Variants in SLC35F3 observed in about 807,000 individuals in gnomAD.
SLC35F3 encodes the protein solute carrier family 35 member F3, also known as putative thiamine transporter SLC35F3.
In SLC35F3, 25 loss-of-function variants were observed where a neutral mutation model predicts 49.9. The observed-to-expected ratio is 0.50, with a 90% CI of 0.37 to 0.70. SLC35F3 has a LOEUF of 0.70. Among genes scored for constraint, SLC35F3 ranks in the 30% least tolerant of loss-of-function variants. The pLI, the probability that SLC35F3 is intolerant of heterozygous loss-of-function variation, is 0.00. For missense variants in SLC35F3, 525 were observed against 639.8 expected, an observed-to-expected ratio of 0.82 and a Z score of 1.94; for synonymous variants, 275 against 265.4, an observed-to-expected ratio of 1.04 and a Z score of -0.35.
At chr1:234,137,986 G>A (rs1048797392) in intron 2 of SLC35F3, among the ~76,000 whole-genome samples, 1 of 151,666 alleles carries the variant, frequency 6.6e-6, no homozygotes. Flanking sequence ...TGTAAAGAAT[G>A]GAAGAGAGAG....
chr1:234,311,211 CCTCTT>C (rs992283366), intron 4 of SLC35F3, among the ~76,000 whole-genome samples: 2 of 152,186 alleles, frequency 1.3e-5, no homozygotes, highest in African/African-American at 4.8e-5. Flanking sequence ...GTTGGAACTC[CCTCTT>C]CTCTTCTTCA....
chr1:234,037,740 T>C (rs1558211797), intron 2 of SLC35F3, among the ~76,000 whole-genome samples: 1 of 152,144 alleles, frequency 6.6e-6, no homozygotes, highest in African/African-American at 2.4e-5. Flanking sequence ...GCATGTAAAT[T>C]GGTCATGCAT....
chr1:234,180,871 G>A (rs1157618820), intron 2 of SLC35F3, among the ~76,000 whole-genome samples: 1 of 152,060 alleles, frequency 6.6e-6, no homozygotes, highest in Non-Finnish European at 1.5e-5. Flanking sequence ...TTTACAAAGT[G>A]GAAATCGTAC....
At chr1:234,221,939 A>C (rs1667212700) in intron 2 of SLC35F3, among the ~76,000 whole-genome samples, 1 of 152,224 alleles carries the variant, frequency 6.6e-6, no homozygotes, top group Non-Finnish European at 1.5e-5. Flanking sequence ...TATCTGATTA[A>C]AACTCTTCAT....
At chr1:234,088,727 A>G (rs1436555975) in intron 2 of SLC35F3, among the ~76,000 whole-genome samples, 1 of 152,138 alleles carries the variant, frequency 6.6e-6, no homozygotes, top group East Asian at 1.9e-4. Flanking sequence ...GATTTTACAC[A>G]TGTCATAAGG....
At chr1:234,309,461 C>A in intron 4 of SLC35F3, 141 bp downstream of exon 4, 1 of 715,252 alleles carries the variant, frequency 1.4e-6, no homozygotes, top group Non-Finnish European at 2.3e-6. Context: ...AGAAAATGAG[C>A]CCAGCAGAGG....
At chr1:234,067,555 C>A (rs1000381960) in intron 2 of SLC35F3, among the ~76,000 whole-genome samples, 1 of 152,114 alleles carries the variant, frequency 6.6e-6, no homozygotes, top group Admixed American at 6.5e-5. Context: ...AACTTTTGAG[C>A]CCTGAAATCT....
At chr1:234,197,452 G>A (rs1035612790) in intron 2 of SLC35F3, among the ~76,000 whole-genome samples, 6 of 152,176 alleles carry the variant, frequency 3.9e-5, no homozygotes, top group African/African-American at 1.4e-4. Context: ...GAGAGAGTTC[G>A]GTTAAGGAGA....
chr1:234,017,353 G>A (rs1449094593), intron 2 of SLC35F3, among the ~76,000 whole-genome samples: 5 of 152,156 alleles, frequency 3.3e-5, no homozygotes, highest in African/African-American at 9.7e-5. Context: ...TTAGGTTCCT[G>A]TGAGCTTCTG....
intron 3 of SLC35F3, among the ~76,000 whole-genome samples, chr1:234,305,241 T>C (rs563691322): frequency 1.3e-5 from 2 of 152,364 alleles, no homozygotes; most frequent in African/African-American, 4.8e-5. Context: ...GCTAGGATTC[T>C]TTAAAGAGTA....
chr1:234,093,379 C>A (rs1346064417), intron 2 of SLC35F3, among the ~76,000 whole-genome samples: 2 of 152,216 alleles, frequency 1.3e-5, no homozygotes, highest in Non-Finnish European at 2.9e-5. Context: ...AAAATATCAT[C>A]AATGATAGCC....
intron 2 of SLC35F3, among the ~76,000 whole-genome samples, chr1:234,008,146 C>T (rs1164302000): frequency 9.4e-6 from 1 of 106,758 alleles, no homozygotes; most frequent in Admixed American, 9.6e-5. Context: ...CTTGTCTTCT[C>T]TCACTCATCT....
intron 6 of SLC35F3, 77 bp downstream of exon 6, chr1:234,319,020 A>G (rs1572151450): frequency 2.4e-6 from 3 of 1,262,604 alleles, no homozygotes; most frequent in African/African-American, 1.5e-5. Flanking sequence ...TGTTCCCTGA[A>G]GGCAGAAAAC....
intron 3 of SLC35F3, among the ~76,000 whole-genome samples, chr1:234,253,609 A>G (rs1301203121): frequency 2.6e-5 from 4 of 152,214 alleles, no homozygotes; most frequent in Non-Finnish European, 5.9e-5. Context: ...AAAAAGAAGT[A>G]TATAATTTAA....
intron 2 of SLC35F3, among the ~76,000 whole-genome samples, chr1:234,091,270 T>C (rs1232082316): frequency 1.3e-5 from 2 of 152,196 alleles, no homozygotes; most frequent in Non-Finnish European, 2.9e-5. Flanking sequence ...TCACCCTACC[T>C]TGAGGCTTTT....
chr1:234,038,131 A>C (rs1664170957), intron 2 of SLC35F3, among the ~76,000 whole-genome samples: 1 of 104,600 alleles, frequency 9.6e-6, no homozygotes. Flanking sequence ...ACCCCACAAC[A>C]GTCCCCAGAG....
intron 2 of SLC35F3, among the ~76,000 whole-genome samples, chr1:234,128,663 A>G (rs911467234): frequency 6.6e-6 from 1 of 152,212 alleles, no homozygotes; most frequent in African/African-American, 2.4e-5. Flanking sequence ...CCAAGGAAAG[A>G]GCTTAAGAAA....
At chr1:234,257,490 G>A (rs1667838696) in intron 3 of SLC35F3, among the ~76,000 whole-genome samples, 1 of 152,190 alleles carries the variant, frequency 6.6e-6, no homozygotes, top group South Asian at 2.1e-4. Flanking sequence ...AAATTGCCAT[G>A]TATTTGCACA....
chr1:234,214,755 C>T lies in SLC35F3; in HGVS notation c.284-16662C>T. The T allele has an allele frequency of 3.9e-6, 3 of 778,252 alleles. No individual in the cohort carries two copies. Among genetic ancestry groups the T allele is most frequent in the Non-Finnish European group, 3.7e-6 (2 of 537,762 alleles). The allele number at this position is 778,252 out of a possible 1,614,324, so 48.2% of individuals were successfully genotyped here. On this transcript the variant is annotated intron_variant, in intron 2 of 7. Transcript: ENST00000366618. The surrounding 1 kb of genome is among the most constrained non-coding windows in gnomAD (Gnocchi z 8.0). ...GGGATCTGGCAGCTTCAGGGGCTGC[C>T]CTGAGCTCCCTGGCGAGCAGGAGTG...
Sources: allele counts gnomAD v4.1 joint callset (sites outside exome capture counted in the v4.1 genomes callset), GRCh38; gene constraint gnomAD v4.1.1; non-coding constraint Gnocchi (gnomAD v3.1); transcripts MANE v1.5; gene names NCBI Gene and HGNC (gene_info 2026-07-23, HGNC 2026-07-21).